Variants in RIMS1 observed in about 807,000 individuals in gnomAD.
The protein encoded by RIMS1 is regulating synaptic membrane exocytosis 1.
Under a neutral mutation model 214.1 loss-of-function variants are expected in RIMS1, and 83 were observed. The ratio of observed to expected loss-of-function variants is 0.39; its 90% CI spans 0.32 to 0.47. The LOEUF (loss-of-function observed/expected upper bound fraction) is 0.47. Among genes scored for constraint, RIMS1 ranks in the 20% least tolerant of loss-of-function variants. The pLI is 0.99. For missense variants in RIMS1, 2,050 were observed against 2,161.8 expected (o/e 0.95, Z 1.03); for synonymous variants, 793 against 786.8 (o/e 1.01, Z -0.13).
At chr6:72,061,724 C>T (rs984718428) in intron 2 of RIMS1, among the ~76,000 whole-genome samples, 2 of 152,172 alleles carry the variant, frequency 1.3e-5, no homozygotes, top group Non-Finnish European at 2.9e-5. Context: ...TCAAAAGAGC[C>T]GCCAAAGGTG....
rs1406009355 is a variant in RIMS1 at position 72,337,845 on chromosome 6, G to GT, written c.4366+4016dup. Among the ~76,000 whole-genome samples, 4 of 148,962 alleles carry GT rather than the reference G, an allele frequency of 2.7e-5. No individual in the cohort carries two copies. The Admixed American group carries it at 2.7e-4, about 10-fold the overall frequency. ...TATGAGTGAGAACATGCAGTGTTTG[G>GT]TTTTTTGTCCTTGTGATAGTTTGCT... On this transcript the variant is annotated intron_variant, in intron 29 of 33. Transcript: ENST00000521978.
At chr6:72,308,140 A>G (rs1304276423) in intron 27 of RIMS1, among the ~76,000 whole-genome samples, 4 of 152,138 alleles carry the variant, frequency 2.6e-5, no homozygotes, top group Non-Finnish European at 5.9e-5. Flanking sequence ...CTTTAGTAAG[A>G]AAAGTAACTG....
intron 2 of RIMS1, among the ~76,000 whole-genome samples, chr6:72,036,003 T>C (rs1217920177): frequency 6.6e-6 from 1 of 152,176 alleles, no homozygotes; most frequent in Non-Finnish European, 1.5e-5. Flanking sequence ...TATTGTTATT[T>C]GGTGGATTCA....
intron 1 of RIMS1, among the ~76,000 whole-genome samples, chr6:71,897,642 C>T (rs903648347): frequency 2.0e-5 from 3 of 152,056 alleles, no homozygotes; most frequent in African/African-American, 7.2e-5. Context: ...TTTTGGTATT[C>T]GTCTTAACCT....
intron 2 of RIMS1, among the ~76,000 whole-genome samples, chr6:72,019,201 G>C (rs1176807102): frequency 6.6e-6 from 1 of 152,190 alleles, no homozygotes; most frequent in East Asian, 1.9e-4. Context: ...AATGAAATCA[G>C]ATTTGTAGGT....
intron 4 of RIMS1, among the ~76,000 whole-genome samples, chr6:72,118,402 A>G (rs187389914): frequency 1.3e-5 from 2 of 151,686 alleles, no homozygotes; most frequent in Non-Finnish European, 3.0e-5. Flanking sequence ...CAGGCACTCA[A>G]AGAATTGGTA....
chr6:72,112,549 CT>C (rs1314566295), intron 4 of RIMS1, among the ~76,000 whole-genome samples: 5 of 152,124 alleles, frequency 3.3e-5, no homozygotes, highest in Non-Finnish European at 7.4e-5. Context: ...CTTCTGCTCA[CT>C]GTATTCTTCC....
intron 29 of RIMS1, among the ~76,000 whole-genome samples, chr6:72,369,703 C>T (rs1422159787): frequency 6.6e-6 from 1 of 152,240 alleles, no homozygotes; most frequent in Non-Finnish European, 1.5e-5. Flanking sequence ...TTCACAGCAA[C>T]ACCCAAATTT....
intron 1 of RIMS1, among the ~76,000 whole-genome samples, chr6:71,945,021 A>G (rs1355934408): frequency 6.6e-6 from 1 of 152,206 alleles, no homozygotes; most frequent in Non-Finnish European, 1.5e-5. Flanking sequence ...ACTATGTGCA[A>G]ACTTTCAAGA....
intron 4 of RIMS1, among the ~76,000 whole-genome samples, chr6:72,160,183 G>A: frequency 7.3e-6 from 1 of 137,074 alleles, no homozygotes; most frequent in Non-Finnish European, 1.7e-5. Flanking sequence ...TTGGCTCTCT[G>A]TTTGTCTTTT....
intron 2 of RIMS1, among the ~76,000 whole-genome samples, chr6:71,995,059 T>TA (rs888825628): frequency 5.3e-5 from 8 of 152,130 alleles, no homozygotes; most frequent in African/African-American, 1.9e-4. Flanking sequence ...GAATTCTTCA[T>TA]AGTGTAGATC....
intron 23 of RIMS1, among the ~76,000 whole-genome samples, chr6:72,277,766 C>G (rs2087411431): frequency 6.6e-6 from 1 of 152,026 alleles, no homozygotes; most frequent in African/African-American, 2.4e-5. Flanking sequence ...CAAAGCATCT[C>G]TTTAGAAATA....
chr6:72,190,136 C>T (rs1184761820), intron 6 of RIMS1, among the ~76,000 whole-genome samples: 1 of 152,130 alleles, frequency 6.6e-6, no homozygotes, highest in Non-Finnish European at 1.5e-5. Context: ...GGAAGATTTC[C>T]CTTCACTGCT....
At chr6:72,108,241 T>C (rs80222154) in intron 4 of RIMS1, among the ~76,000 whole-genome samples, 10,650 of 146,118 alleles carry the variant, frequency 0.073, 424 homozygotes, top group Non-Finnish European at 0.096. Context: ...CCTGCCACCA[T>C]GCTTGGATAA....
At chr6:72,041,882 A>G (rs1220329952) in intron 2 of RIMS1, among the ~76,000 whole-genome samples, 32 of 152,016 alleles carry the variant, frequency 2.1e-4, no homozygotes, top group Non-Finnish European at 1.0e-4. Flanking sequence ...GAGACTTAAT[A>G]AGGTAATTTG....
intron 29 of RIMS1, among the ~76,000 whole-genome samples, chr6:72,342,874 A>C (rs994425784): frequency 6.6e-6 from 1 of 151,790 alleles, no homozygotes; most frequent in Non-Finnish European, 1.5e-5. Flanking sequence ...GAAATGGCTG[A>C]AATACAAAGG....
At chr6:72,308,217 C>T (rs1171544844) in intron 27 of RIMS1, among the ~76,000 whole-genome samples, 4 of 151,862 alleles carry the variant, frequency 2.6e-5, no homozygotes, top group Non-Finnish European at 4.4e-5. Context: ...ATTTTTATTT[C>T]AATAATATTT....
chr6:72,151,189 C>T (rs1588113800), intron 4 of RIMS1, among the ~76,000 whole-genome samples: 1 of 152,238 alleles, frequency 6.6e-6, no homozygotes, highest in Admixed American at 6.5e-5. Context: ...ACTACAGGCT[C>T]CCGCCACCAT....
At chr6:72,263,746 T>C (rs2079075505) in intron 19 of RIMS1, 1 of 983,714 alleles carries the variant, frequency 1.0e-6, no homozygotes, top group Non-Finnish European at 1.2e-6. Context: ...GGCAGATCAC[T>C]TGAGGTCAGG....
Sources: allele counts gnomAD v4.1 joint callset (sites outside exome capture counted in the v4.1 genomes callset), GRCh38; gene constraint gnomAD v4.1.1; transcripts MANE v1.5; gene names NCBI Gene and HGNC (gene_info 2026-07-23, HGNC 2026-07-21).